AKAP19: variants seen among roughly 807,000 people sequenced by gnomAD.
AKAP19 encodes small A-kinase anchoring protein.
chr2:190,039,182 G>A, the AKAP19 span, among the ~76,000 whole-genome samples: 12 of 151,724 alleles, frequency 7.9e-5, no homozygotes, highest in Admixed American at 4.6e-4. Context: ...AGGTTCAAGC[G>A]ATTCTCCTGC....
the AKAP19 span, chr2:190,057,261 T>A: frequency 2.5e-6 from 4 of 1,613,178 alleles, no homozygotes; most frequent in Middle Eastern, 1.7e-4. Flanking sequence ...ATAAATCTCA[T>A]GAGCACCCAC....
the AKAP19 span, among the ~76,000 whole-genome samples, chr2:190,155,246 A>G: frequency 6.6e-6 from 1 of 152,208 alleles, no homozygotes; most frequent in South Asian, 2.1e-4. Flanking sequence ...TGATAGAACC[A>G]CAGCTTTTGC....
At chr2:190,110,335 C>G in the AKAP19 span, among the ~76,000 whole-genome samples, 1 of 152,120 alleles carries the variant, frequency 6.6e-6, no homozygotes, top group African/African-American at 2.4e-5. Flanking sequence ...ACTGCCAAGC[C>G]TCCCCATTGC....
the AKAP19 span, among the ~76,000 whole-genome samples, chr2:189,992,781 A>G: frequency 6.6e-6 from 1 of 152,060 alleles, no homozygotes; most frequent in Non-Finnish European, 1.5e-5. Context: ...TACAGCTGTC[A>G]TAAAAGGAGT....
the AKAP19 span, among the ~76,000 whole-genome samples, chr2:190,104,448 T>C: frequency 1.3e-5 from 2 of 152,032 alleles, no homozygotes; most frequent in Non-Finnish European, 2.9e-5. Flanking sequence ...CAGACAAGGG[T>C]CTAATATCCA....
At chr2:190,084,240 C>T in the AKAP19 span, among the ~76,000 whole-genome samples, 3 of 151,956 alleles carry the variant, frequency 2.0e-5, no homozygotes, top group Non-Finnish European at 4.4e-5. Context: ...TTACAGGCGC[C>T]CACCACCATG....
chr2:190,151,609 A>T, the AKAP19 span, among the ~76,000 whole-genome samples: 1 of 152,148 alleles, frequency 6.6e-6, no homozygotes, highest in Non-Finnish European at 1.5e-5. Context: ...CCAGTCTATC[A>T]TTGGTGGGCA....
the AKAP19 span, among the ~76,000 whole-genome samples, chr2:190,034,523 A>C: frequency 8.7e-6 from 1 of 115,268 alleles, no homozygotes. Flanking sequence ...CAAGCCTAGC[A>C]GGCTACAGTG....
the AKAP19 span, among the ~76,000 whole-genome samples, chr2:189,972,282 A>T: frequency 6.6e-6 from 1 of 152,212 alleles, no homozygotes. Flanking sequence ...GTCAAAGATC[A>T]GATGGTTGTA....
At chr2:190,201,352 T>C in the AKAP19 span, 1 of 166,988 alleles carries the variant, frequency 6.0e-6, no homozygotes, top group African/African-American at 2.4e-5. Flanking sequence ...AAGAAGAAAT[T>C]AAGACATGAC....
At chr2:190,013,846 A>G in the AKAP19 span, among the ~76,000 whole-genome samples, 1 of 151,842 alleles carries the variant, frequency 6.6e-6, no homozygotes, top group African/African-American at 2.4e-5. Context: ...CTAGCTAAAG[A>G]TTTATCTATT....
chr2:189,885,359 C>G, the AKAP19 span, among the ~76,000 whole-genome samples: 1 of 152,166 alleles, frequency 6.6e-6, no homozygotes, highest in South Asian at 2.1e-4. Flanking sequence ...AAAGTACAAG[C>G]TAGCCAGATA....
chr2:190,039,768 T>C, the AKAP19 span, among the ~76,000 whole-genome samples: 5 of 152,216 alleles, frequency 3.3e-5, no homozygotes, highest in African/African-American at 1.2e-4. Context: ...TGAGAACATG[T>C]GGTATTTGCT....
At chr2:190,084,967 C>T in the AKAP19 span, among the ~76,000 whole-genome samples, 1 of 152,182 alleles carries the variant, frequency 6.6e-6, no homozygotes, top group Non-Finnish European at 1.5e-5. Flanking sequence ...TCCTAGTCAG[C>T]CTGGCTGTAA....
chr2:190,041,879 G>A, the AKAP19 span, among the ~76,000 whole-genome samples: 4 of 152,136 alleles, frequency 2.6e-5, no homozygotes, highest in Non-Finnish European at 5.9e-5. Context: ...CTTGATCATG[G>A]TGGATTAGCT....
At chr2:189,955,969 T>G in the AKAP19 span, among the ~76,000 whole-genome samples, 1 of 152,178 alleles carries the variant, frequency 6.6e-6, no homozygotes, top group Non-Finnish European at 1.5e-5. Context: ...TTTTTCTGGG[T>G]TTTTTTGCCT....
the AKAP19 span, among the ~76,000 whole-genome samples, chr2:190,013,242 G>A: frequency 8.3e-4 from 127 of 152,210 alleles, no homozygotes; most frequent in Non-Finnish European, 1.5e-3. Flanking sequence ...TTGGGTATTG[G>A]ATGTTTCTTT....
chr2:190,019,150 G>A, the AKAP19 span, among the ~76,000 whole-genome samples: 9 of 152,304 alleles, frequency 5.9e-5, no homozygotes, highest in East Asian at 5.8e-4. Context: ...TTTGCCTCCC[G>A]GCCTGTGTAG....
At chr2:189,891,310 G>GT in the AKAP19 span, among the ~76,000 whole-genome samples, 1 of 128,954 alleles carries the variant, frequency 7.8e-6, no homozygotes, top group Non-Finnish European at 1.6e-5. Flanking sequence ...TGCAACCTCT[G>GT]CCTCCCGGGT....
Sources: gnomAD v4.1 joint callset for allele counts (sites outside exome capture counted in the v4.1 genomes callset) on GRCh38, gnomAD v4.1.1 for gene constraint, MANE v1.5 for transcripts, NCBI Gene and HGNC (gene_info 2026-07-23, HGNC 2026-07-21) for gene names.